Variants in MGA observed in about 807,000 individuals in gnomAD.
MGA encodes MAX gene-associated protein.
MGA carries 40 observed loss-of-function variants against 261.1 expected under a neutral mutation model. That is an observed-to-expected ratio of 0.15 (90% CI 0.12 to 0.20). The LOEUF is 0.20. Among genes scored for constraint, MGA ranks in the 10% least tolerant of loss-of-function variants. The pLI, the probability that MGA is intolerant of heterozygous loss-of-function variation, is 1.00. For synonymous variants in MGA, 1,302 were observed against 1,290.6 expected (o/e 1.01, Z -0.19); for missense variants, 3,397 against 3,630.5 (o/e 0.94, Z 1.65).
At chr15:41,716,548 T>C (rs917955483) in intron 9 of MGA, among the ~76,000 whole-genome samples, 11 of 152,056 alleles carry the variant, frequency 7.2e-5, no homozygotes, top group Admixed American at 2.0e-4. Flanking sequence ...GAGGTAAACA[T>C]GTTGCCGATA....
intron 1 of MGA, among the ~76,000 whole-genome samples, chr15:41,632,289 G>C (rs770796036): frequency 6.6e-6 from 1 of 152,158 alleles, no homozygotes; most frequent in Non-Finnish European, 1.5e-5. Flanking sequence ...CCAGCCCAGA[G>C]AGTGTCTACT....
Position 41,736,662 on chromosome 15 carries a change from A to G in MGA, c.4398A>G (p.Lys1466=). 1.2e-6 allele frequency: 2 copies of G among 1,613,012 alleles called. No individual in the cohort carries two copies. Among genetic ancestry groups the G allele is most frequent in the South Asian group, 2.2e-5 (2 of 90,964 alleles). Reference sequence around the variant, plus strand: ...CTGCAGGGAAGCTTGTGGCCTATAAACGTAAACCCAGTTCAAGTACATCTG... The same window carrying G: ...CTGCAGGGAAGCTTGTGGCCTATAAGCGTAAACCCAGTTCAAGTACATCTG... The change falls in exon 13 of 24, where the codon AAA becomes AAG. Residue 1466 remains lysine, a synonymous_variant. Transcript: ENST00000219905.
At chr15:41,704,833 T>C (rs779178264) in intron 5 of MGA, among the ~76,000 whole-genome samples, 20 of 152,320 alleles carry the variant, frequency 1.3e-4, no homozygotes, top group Non-Finnish European at 2.6e-4. Context: ...CTATATCTTA[T>C]TGTAGGTGAA....
intron 5 of MGA, among the ~76,000 whole-genome samples, chr15:41,705,317 T>C (rs2060050592): frequency 6.6e-6 from 1 of 152,042 alleles, no homozygotes; most frequent in South Asian, 2.1e-4. Context: ...CTATGCTACC[T>C]ACTGAAAGTC....
Position 41,768,141 on chromosome 15 carries a change from A to T in MGA, c.*861A>T, listed in dbSNP as rs911325310. The T allele has an allele frequency of 3.9e-5, 6 of 152,674 alleles. No individual in the cohort carries two copies. Among genetic ancestry groups the T allele is most frequent in the African/African-American group, 7.2e-5 (3 of 41,464 alleles). 9.5% of individuals were successfully genotyped at this position (152,674 alleles called of 1,614,324 possible). A position where few individuals can be genotyped will look rare whatever the true frequency, so the allele number is the denominator to read the frequency against. On this transcript the variant is annotated 3_prime_UTR_variant, in exon 24 of 24. Coordinates refer to ENST00000219905, the MANE Select transcript of MGA (RefSeq NM_001164273.2). ...CTCCCCAGACCAGAGACAGTGGCCA[A>T]AATAAAAAATCATGGGGCTGGAAAT...
Position 41,767,351 on chromosome 15 carries a change from C to T in MGA, c.*71C>T. 1 of 1,479,710 alleles carries T rather than the reference C, an allele frequency of 6.8e-7. No individual in the cohort carries two copies. The highest frequency in any genetic ancestry group is 9.1e-7 in the Non-Finnish European group (1 of 1,099,092). The allele number at this position is 1,479,710 out of a possible 1,614,324, so 91.7% of individuals were successfully genotyped here. ...TCTCACCTCCTTTCTCTGCAGGCAT[C>T]TGTTTGTTTGTGTCTTAGAACTTGG... is the stretch of plus-strand genomic sequence containing the variant. On this transcript the variant is annotated 3_prime_UTR_variant, in exon 24 of 24. Coordinates refer to ENST00000219905, the MANE Select transcript of MGA (RefSeq NM_001164273.2).
chr15:41,713,159 C>T lies in MGA; in HGVS notation c.3093C>T (p.Leu1031=). ...TTCTCCTTTGACTTTAGGCATCCCT[C>T]AAAACTAAACCTATCCACACAATCA... The change falls in exon 9 of 24, where the codon CTC becomes CTT. Residue 1031 remains leucine, a synonymous_variant. Transcript: ENST00000219905. 6.2e-7 allele frequency: 1 copy of T among 1,610,446 alleles called. No homozygotes were observed.
intron 22 of MGA, among the ~76,000 whole-genome samples, chr15:41,763,092 CTTTTTT>C (rs71108131): frequency 3.1e-5 from 2 of 63,950 alleles, no homozygotes; most frequent in Non-Finnish European, 5.8e-5. Flanking sequence ...TTCTTTCTTC[CTTTTTT>C]TTTTTTTTTT....
chr15:41,692,814 C>A lies in MGA; in HGVS notation c.1065-3261C>A, dbSNP rs1227494567. ...GCAACCTCTGCCTCCTGGTTTCAAG[C>A]GATTTTCCAGCCTCAGCCTCCCGAG... is the stretch of plus-strand genomic sequence containing the variant. On this transcript the variant is annotated intron_variant, in intron 2 of 23. Transcript: ENST00000219905. Among the ~76,000 whole-genome samples the A allele has an allele frequency of 2.6e-5, 4 of 152,046 alleles. No individual in the cohort carries two copies. In the South Asian group the frequency reaches 6.2e-4, roughly 24 times the overall value.
intron 2 of MGA, among the ~76,000 whole-genome samples, chr15:41,692,984 C>T (rs1243635683): frequency 2.0e-5 from 3 of 152,106 alleles, no homozygotes; most frequent in Non-Finnish European, 4.4e-5. Flanking sequence ...AGGCGTGAGC[C>T]ACTGCGCCCA....
chr15:41,623,570 C>A (rs1275890651), intron 1 of MGA, among the ~76,000 whole-genome samples: 1 of 151,854 alleles, frequency 6.6e-6, no homozygotes, highest in Admixed American at 6.6e-5. Context: ...CATGGAAAAA[C>A]CCCGTCTCGA....
chr15:41,736,196 C>T lies in MGA; in HGVS notation c.3932C>T (p.Ser1311Phe). The change falls in exon 13 of 24, where the codon TCT becomes TTT. Residue 1311 changes from serine (S) to phenylalanine (F), a missense_variant. Transcript: ENST00000219905. ...TTTACATCAGAAAAGAGCTGGAAGTCTTCCTGCAATGAAGGAGAATCCTCT... is the reference window on the plus strand; with the variant it reads ...TTTACATCAGAAAAGAGCTGGAAGTTTTCCTGCAATGAAGGAGAATCCTCT... 1 of 1,567,794 alleles carries T rather than the reference C, an allele frequency of 6.4e-7. No individual in the cohort carries two copies.
At position 41,696,266 on chromosome 15, in the gene MGA, A is replaced by G; in HGVS notation, c.1256A>G (p.Asp419Gly). ...ACGGATGTATACTCAAACAGTGATG[A>G]TGATCCTATACTAGAGAAACAGCTA... Residue 419 changes from aspartate to glycine, a missense_variant, in exon 3 of 24, where the codon GAT becomes GGT. Asp to Gly is a moderately conservative substitution (Grantham distance 94). Around this residue, in one of 9 missense-constraint regions of MGA, gnomAD observed 563 missense variants for 563.6 expected, o/e 1.00. Transcript: ENST00000219905. 1 of 1,613,954 alleles carries G rather than the reference A, an allele frequency of 6.2e-7. No individual in the cohort carries two copies. Among genetic ancestry groups the G allele is most frequent in the South Asian group, 1.1e-5 (1 of 91,086 alleles).
chr15:41,676,509 A>G (rs1230551832), intron 2 of MGA, among the ~76,000 whole-genome samples: 2 of 152,262 alleles, frequency 1.3e-5, no homozygotes, highest in African/African-American at 4.8e-5. Context: ...TTAGACAAAT[A>G]TGAACAGTTT....
In MGA at chr15:41,729,286, A is replaced by G. The variant is rs1291999510; in HGVS notation, c.3780A>G (p.Pro1260=). The G allele has an allele frequency of 3.1e-6, 5 of 1,613,874 alleles. No individual in the cohort carries two copies. Among genetic ancestry groups the G allele is most frequent in the Non-Finnish European group, 4.2e-6 (5 of 1,179,850 alleles). ...GACAACCATCTTCCTCCTCCTCCCC[A>G]TCTCCATCATTTCAGCAGCAAACTT... The change falls in exon 11 of 24, where the codon CCA becomes CCG. Residue 1260 remains proline, a synonymous_variant. Transcript: ENST00000219905.
chr15:41,699,548 C>T (rs1219074208), intron 5 of MGA, among the ~76,000 whole-genome samples: 1 of 152,204 alleles, frequency 6.6e-6, no homozygotes, highest in Non-Finnish European at 1.5e-5. Context: ...GCCCAGGCGG[C>T]TGGAGTGCAG....
chr15:41,677,895 A>G (rs1014929058), intron 2 of MGA, among the ~76,000 whole-genome samples: 12 of 152,190 alleles, frequency 7.9e-5, no homozygotes, highest in Non-Finnish European at 1.2e-4. Context: ...TCATTCTTAT[A>G]TAGTGTGTTT....
In MGA at chr15:41,750,425, A is replaced by C. The variant is rs753546995; in HGVS notation, c.6818A>C (p.His2273Pro). Residue 2273 changes from histidine to proline, a missense_variant, in exon 17 of 24, where the codon CAC becomes CCC. By Grantham distance (77) the His-to-Pro change is moderately conservative (BLOSUM62 -2). This residue lies in a region of MGA where 1,410 missense variants were observed against 1,386.4 expected (regional missense o/e 1.02). Coordinates refer to ENST00000219905, the MANE Select transcript of MGA (RefSeq NM_001164273.2). ...AGAGGGAATGGACATTTTCAGGGTC[A>C]CTTACTGCTACCTGGAGAACAGATA... 3.2e-5 allele frequency: 51 copies of C among 1,613,486 alleles called. No individual in the cohort carries two copies. Among genetic ancestry groups the C allele is most frequent in the Non-Finnish European group, 4.3e-5 (51 of 1,179,522 alleles).
At chr15:41,653,077 A>T (rs1386177736) in intron 1 of MGA, among the ~76,000 whole-genome samples, 14 of 152,172 alleles carry the variant, frequency 9.2e-5, no homozygotes, top group Admixed American at 9.2e-4. Flanking sequence ...TCTTTTTAAA[A>T]CAGGTGTAGC....
Sources: gnomAD v4.1 joint callset for allele counts (sites outside exome capture counted in the v4.1 genomes callset) on GRCh38, gnomAD v4.1.1 for gene constraint, gnomAD v4.1.1 regional missense constraint, MANE v1.5 for transcripts, NCBI Gene and HGNC (gene_info 2026-07-23, HGNC 2026-07-21) for gene names.